Variants in ING5 observed in about 807,000 individuals in gnomAD.
ING5 encodes inhibitor of growth family member 5.
In ING5, 17 loss-of-function variants were observed where a neutral mutation model predicts 37.4. The observed-to-expected ratio is 0.45, with a 90% CI of 0.31 to 0.68. ING5 has a LOEUF of 0.68. Among genes scored for constraint, ING5 ranks in the 30% least tolerant of loss-of-function variants. ING5 has a pLI of 0.05. For missense variants in ING5, 233 were observed against 311.9 expected (o/e 0.75, Z 1.91); for synonymous variants, 123 against 116.6 (o/e 1.06, Z -0.36).
intron 4 of ING5, 189 bp downstream of exon 4, chr2:241,711,677 G>A (rs933930003): frequency 5.1e-6 from 3 of 584,600 alleles, no homozygotes; most frequent in African/African-American, 3.8e-5. Flanking sequence ...GAGGCAGGAG[G>A]ATCACTTGAG....
intron 5 of ING5, chr2:241,721,130 A>C (rs1403181622): frequency 1.0e-6 from 1 of 985,436 alleles, no homozygotes; most frequent in African/African-American, 1.7e-5. Flanking sequence ...TTGGCAGCAG[A>C]GGGTGCTGCC....
intron 3 of ING5, among the ~76,000 whole-genome samples, chr2:241,710,086 G>A (rs1487885110): frequency 6.8e-6 from 1 of 146,982 alleles, no homozygotes; most frequent in African/African-American, 2.5e-5. Flanking sequence ...GAGATTACAG[G>A]CATGCAGTAG....
chr2:241,724,311 G>A (rs576106813), intron 7 of ING5, among the ~76,000 whole-genome samples: 73 of 152,318 alleles, frequency 4.8e-4, no homozygotes, highest in African/African-American at 1.7e-3. Context: ...GCACTGTGGT[G>A]CCCCACGCCG....
intron 2 of ING5, among the ~76,000 whole-genome samples, chr2:241,705,102 T>C (rs1003042348): frequency 6.6e-6 from 1 of 152,034 alleles, no homozygotes; most frequent in Admixed American, 6.6e-5. Flanking sequence ...TGAGACGGAG[T>C]CTTGCTTTGT....
intron 3 of ING5, among the ~76,000 whole-genome samples, chr2:241,711,016 TG>T (rs1273416714): frequency 2.0e-5 from 3 of 152,242 alleles, no homozygotes; most frequent in Non-Finnish European, 4.4e-5. Context: ...CCCAAAGTGC[TG>T]GGATTACAGG....
At chr2:241,705,074 A>G (rs553121824) in intron 2 of ING5, among the ~76,000 whole-genome samples, 1 of 151,552 alleles carries the variant, frequency 6.6e-6, no homozygotes, top group African/African-American at 2.4e-5. Flanking sequence ...TTGATATTTA[A>G]CTCCGTTTCT....
At chr2:241,721,499 T>G (rs1296378127) in intron 5 of ING5, 1 of 985,408 alleles carries the variant, frequency 1.0e-6, no homozygotes, top group African/African-American at 1.7e-5. Flanking sequence ...TGTGTGTATG[T>G]GTACAGGCAA....
intron 3 of ING5, among the ~76,000 whole-genome samples, chr2:241,709,652 G>A (rs1489961873): frequency 2.7e-5 from 4 of 149,792 alleles, no homozygotes; most frequent in East Asian, 2.0e-4. Flanking sequence ...TGTCGTCCAC[G>A]GTGGAGTACA....
upstream of ING5, among the ~76,000 whole-genome samples, chr2:241,699,046 G>GGGGGGGA (rs2069675064): frequency 8.0e-6 from 1 of 125,150 alleles, no homozygotes; most frequent in African/African-American, 3.3e-5. Flanking sequence ...TTTGGGGGGG[G>GGGGGGGA]AGGGGTTTGC....
intron 5 of ING5, 187 bp downstream of exon 5, chr2:241,712,258 CA>C (rs2070134439): frequency 2.2e-5 from 12 of 551,614 alleles, no homozygotes; most frequent in African/African-American, 5.7e-5. Flanking sequence ...GTGCCGTTGT[CA>C]GGGGCATTTT....
intron 1 of ING5, among the ~76,000 whole-genome samples, chr2:241,704,126 C>T (rs1421656912): frequency 6.6e-6 from 1 of 152,174 alleles, no homozygotes; most frequent in Admixed American, 6.6e-5. Flanking sequence ...TTTCCCTCTC[C>T]CTTCTTTGAC....
exon 2 of ING5, chr2:241,690,611 A>G (rs2069536184): frequency 7.5e-6 from 3 of 398,610 alleles, no homozygotes; most frequent in South Asian, 1.3e-4. Flanking sequence ...TCCAGGAGCA[A>G]TGGGAGCAAG....
At chr2:241,718,349 C>CTCCT (rs2070333649) in intron 5 of ING5, among the ~76,000 whole-genome samples, 1 of 139,248 alleles carries the variant, frequency 7.2e-6, no homozygotes, top group Admixed American at 7.2e-5. Flanking sequence ...CACTTCCTTC[C>CTCCT]TCCTTCCCTC....
intron 5 of ING5, chr2:241,720,846 TAGC>T (rs1357176447): frequency 4.1e-6 from 4 of 985,596 alleles, no homozygotes; most frequent in East Asian, 1.1e-4. Flanking sequence ...TCAGGGCTGA[TAGC>T]AGCACTCCCT....
At chr2:241,717,886 CCTT>C (rs2070318791) in intron 5 of ING5, among the ~76,000 whole-genome samples, 1 of 152,184 alleles carries the variant, frequency 6.6e-6, no homozygotes, top group African/African-American at 2.4e-5. Context: ...TTTGTGCTCT[CCTT>C]TCTCCTCTTC....
At chr2:241,701,902 A>T, upstream of ING5, 2 of 335,582 alleles carry the variant, frequency 6.0e-6, no homozygotes. Context: ...CGGGCCCCGC[A>T]GCCCGCCGCC....
rs1559315911 is a variant in ING5, at chr2:241,725,035, G to A, written c.*4G>A. ...GGAAAAGAGGAAGAAGAAGTAGGAG[G>A]AGCTGTGTGCCCGGATCCGAGGAGC... On this transcript the variant is annotated 3_prime_UTR_variant, in exon 8 of 8. Coordinates refer to ENST00000313552, the MANE Select transcript of ING5 (RefSeq NM_032329.6). The A allele has an allele frequency of 3.7e-6, 6 of 1,613,952 alleles. No homozygotes were observed. In the Admixed American group the frequency reaches 5.0e-5, roughly 13 times the overall value.
At chr2:241,690,916 C>G (rs1046406694) in intron 2 of ING5, among the ~76,000 whole-genome samples, 1 of 151,784 alleles carries the variant, frequency 6.6e-6, no homozygotes, top group East Asian at 2.0e-4. Flanking sequence ...AGACGATTCT[C>G]CTGCCTCAGC....
At chr2:241,715,472 A>ATTTTTTTTTTTTT in intron 5 of ING5, among the ~76,000 whole-genome samples, 1 of 70,944 alleles carries the variant, frequency 1.4e-5, no homozygotes, top group Non-Finnish European at 2.5e-5. Context: ...CTGGAATAGA[A>ATTTTTTTTTTTTT]TTTTTTTTTT....
Sources: gnomAD v4.1 joint callset for allele counts (sites outside exome capture counted in the v4.1 genomes callset) on GRCh38, gnomAD v4.1.1 for gene constraint, MANE v1.5 for transcripts, NCBI Gene and HGNC (gene_info 2026-07-23, HGNC 2026-07-21) for gene names.